The following TCF12 variants were observed in gnomAD, a reference collection of about 807,000 sequenced individuals.
TCF12 encodes the protein DNA-binding protein HTF4.
Under a neutral mutation model 86.0 loss-of-function variants are expected in TCF12, and 45 were observed. The observed-to-expected ratio is 0.52, with a 90% confidence interval of 0.41 to 0.67. TCF12 has a LOEUF of 0.67. Among genes scored for constraint, TCF12 ranks in the 30% least tolerant of loss-of-function variants. The pLI is 0.00. For synonymous variants in TCF12, 330 were observed against 299.6 expected (o/e 1.10, Z -1.05); for missense variants, 881 against 859.9 (o/e 1.02, Z -0.31).
intron 4 of TCF12, among the ~76,000 whole-genome samples, chr15:57,067,968 C>G (rs1158824468): frequency 2.6e-5 from 4 of 152,102 alleles, no homozygotes; most frequent in Non-Finnish European, 5.9e-5. Flanking sequence ...TGTTGGTGTA[C>G]CAGGCATAAA....
intron 5 of TCF12, among the ~76,000 whole-genome samples, chr15:57,130,144 T>C (rs1434245921): frequency 2.6e-5 from 4 of 152,240 alleles, no homozygotes; most frequent in Non-Finnish European, 5.9e-5. Context: ...CCTTACACTT[T>C]GACCTCTCTA....
chr15:57,081,502 C>T (rs539178585), intron 4 of TCF12, among the ~76,000 whole-genome samples: 2 of 152,194 alleles, frequency 1.3e-5, no homozygotes, highest in South Asian at 4.1e-4. Flanking sequence ...ATGGTATCGC[C>T]AAATGTATGC....
In TCF12 at chr15:57,198,239, G is replaced by T. The variant is rs183505182; in HGVS notation, c.579+414G>T. On this transcript the variant is annotated intron_variant, in intron 8 of 20. Transcript: ENST00000333725. Reference sequence around the variant, plus strand: ...ATCCCAATGGAGCTAAAGACATTAAGATTCGGAGTACATGTTTGGCTCAGC... The same window carrying T: ...ATCCCAATGGAGCTAAAGACATTAATATTCGGAGTACATGTTTGGCTCAGC... Among the ~76,000 whole-genome samples, 4 of 152,308 alleles carry T rather than the reference G, an allele frequency of 2.6e-5. No individual in the cohort carries two copies. In the East Asian group the frequency reaches 7.7e-4, roughly 29 times the overall value.
intron 5 of TCF12, among the ~76,000 whole-genome samples, chr15:57,103,181 A>G (rs1343729566): frequency 1.3e-5 from 2 of 152,230 alleles, no homozygotes; most frequent in African/African-American, 4.8e-5. Flanking sequence ...GAATCTCCCC[A>G]AAGGGTATGT....
chr15:56,948,194 T>C (rs1238654937), intron 3 of TCF12, among the ~76,000 whole-genome samples: 1 of 151,990 alleles, frequency 6.6e-6, no homozygotes, highest in African/African-American at 2.4e-5. Flanking sequence ...TGATCATGGC[T>C]CACTGCAGCC....
intron 4 of TCF12, among the ~76,000 whole-genome samples, chr15:57,083,660 C>T (rs1017571014): frequency 1.3e-5 from 2 of 152,172 alleles, no homozygotes; most frequent in Non-Finnish European, 2.9e-5. Context: ...TACTGGCTCA[C>T]TGCAGCCCCC....
intron 20 of TCF12, among the ~76,000 whole-genome samples, chr15:57,284,893 T>G (rs1383511542): frequency 6.6e-6 from 1 of 152,224 alleles, no homozygotes; most frequent in Non-Finnish European, 1.5e-5. Context: ...AATGTGGAAA[T>G]TTTCCCACTT....
At chr15:57,151,198 C>G (rs1446260937) in intron 5 of TCF12, among the ~76,000 whole-genome samples, 1 of 134,888 alleles carries the variant, frequency 7.4e-6, no homozygotes, top group East Asian at 2.2e-4. Context: ...CCAGGCTGGT[C>G]TTAAACTCCC....
rs540650801 is a variant in TCF12, at chr15:57,061,278, C to T, written c.149-2472C>T. On this transcript the variant is annotated intron_variant, in intron 3 of 20. Coordinates refer to ENST00000333725, the MANE Select transcript of TCF12 (RefSeq NM_207037.2). Reference sequence around the variant, plus strand: ...ACTGGCACCCATCTTTCCTCTCTCTCTGTTTTTACAAATGTATTTAAAATA... The same window carrying T: ...ACTGGCACCCATCTTTCCTCTCTCTTTGTTTTTACAAATGTATTTAAAATA... Among the ~76,000 whole-genome samples the T allele has an allele frequency of 7.2e-5, 11 of 152,248 alleles. No homozygotes were observed. In the East Asian group the frequency reaches 7.7e-4, roughly 11 times the overall value.
intron 3 of TCF12, among the ~76,000 whole-genome samples, chr15:57,005,012 T>C (rs1433770577): frequency 1.3e-5 from 2 of 152,358 alleles, no homozygotes; most frequent in East Asian, 3.9e-4. Context: ...TTCAAAACTT[T>C]GTGCCTGAGG....
In TCF12 at chr15:57,232,868, G is replaced by A; in HGVS notation, c.970+12G>A. 6.5e-7 allele frequency: 1 copy of A among 1,535,078 alleles called. No individual in the cohort carries two copies. Among genetic ancestry groups the A allele is most frequent in the Admixed American group, 2.0e-5 (1 of 50,494 alleles). On this transcript the variant is annotated intron_variant, in intron 11 of 20. Coordinates refer to ENST00000333725, the MANE Select transcript of TCF12 (RefSeq NM_207037.2). Reference sequence around the variant, plus strand: ...AGACAGCATTCTAGGTGAGCTTTTTGAGTTGGCAAAACTTCCTAAAAGTTT... The same window carrying A: ...AGACAGCATTCTAGGTGAGCTTTTTAAGTTGGCAAAACTTCCTAAAAGTTT...
intron 3 of TCF12, among the ~76,000 whole-genome samples, chr15:57,051,587 G>A (rs1182647525): frequency 1.3e-5 from 2 of 151,948 alleles, no homozygotes; most frequent in Admixed American, 6.5e-5. Context: ...GCTTCCCAAA[G>A]TGCTGGGATT....
At chr15:57,087,081 G>C (rs8036945) in intron 4 of TCF12, among the ~76,000 whole-genome samples, 63,545 of 143,048 alleles carry the variant, frequency 0.44, 13,909 homozygotes, top group East Asian at 0.59. Flanking sequence ...CTCTCCCTCT[G>C]TCTCCCTCTG....
chr15:57,286,727 A>G lies in TCF12; in HGVS notation c.*582A>G, dbSNP rs1221019057. 8.9e-6 allele frequency: 4 copies of G among 448,140 alleles called. No individual in the cohort carries two copies. The highest frequency in any genetic ancestry group is 1.4e-4 in the East Asian group (2 of 14,340). 27.8% of individuals were successfully genotyped at this position (448,140 alleles called of 1,614,324 possible). ...TGTTGCCCTCTCCTATCCTCTTGCC[A>G]TATGAATAGCGTTTTCCATGAAATA... On this transcript the variant is annotated 3_prime_UTR_variant, in exon 21 of 21. Coordinates refer to ENST00000333725, the MANE Select transcript of TCF12 (RefSeq NM_207037.2).
intron 5 of TCF12, among the ~76,000 whole-genome samples, chr15:57,165,228 A>G (rs138313546): frequency 4.5e-4 from 68 of 152,198 alleles, no homozygotes; most frequent in African/African-American, 1.6e-3. Context: ...TATAAAAACT[A>G]TCTTTCCGTA....
Position 56,987,686 on chromosome 15 carries a change from A to G in TCF12, c.148+66588A>G, listed in dbSNP as rs182132955. On this transcript the variant is annotated intron_variant, in intron 3 of 20. Transcript: ENST00000333725. Reference sequence around the variant, plus strand: ...ACATTTTAATGAGATTAAATTGTTTACCAATTAACATTGTACTATAAAAGG... The same window carrying G: ...ACATTTTAATGAGATTAAATTGTTTGCCAATTAACATTGTACTATAAAAGG... Among the ~76,000 whole-genome samples the G allele has an allele frequency of 3.3e-5, 5 of 152,362 alleles. 1 individual carries two copies. The East Asian group carries it at 5.8e-4, about 18-fold the overall frequency.
chr15:57,223,652 T>TG (rs1566940697), intron 8 of TCF12, among the ~76,000 whole-genome samples: 1,470 of 139,278 alleles, frequency 0.011, 39 homozygotes, highest in African/African-American at 0.035. Context: ...GGTTTTTTTT[T>TG]TTTTTTTTTT....
At chr15:57,060,718 C>G (rs1403262372) in intron 3 of TCF12, among the ~76,000 whole-genome samples, 1 of 152,164 alleles carries the variant, frequency 6.6e-6, no homozygotes, top group East Asian at 1.9e-4. Flanking sequence ...TGTATTGCAA[C>G]TGTGGTGTAT....
chr15:56,994,849 G>C (rs1055817064), intron 3 of TCF12, among the ~76,000 whole-genome samples: 9 of 152,038 alleles, frequency 5.9e-5, no homozygotes, highest in Non-Finnish European at 1.2e-4. Flanking sequence ...ATTTATATCA[G>C]AAGAAAACTT....
Sources: gnomAD v4.1 joint callset for allele counts (sites outside exome capture counted in the v4.1 genomes callset) on GRCh38, gnomAD v4.1.1 for gene constraint, MANE v1.5 for transcripts, NCBI Gene and HGNC (gene_info 2026-07-23, HGNC 2026-07-21) for gene names.